TIAM2: variants seen among roughly 807,000 people sequenced by gnomAD.
TIAM2 encodes rho guanine nucleotide exchange factor TIAM2.
Under a neutral mutation model 152.9 loss-of-function variants are expected in TIAM2, and 80 were observed. The ratio of observed to expected loss-of-function variants is 0.52; its 90% CI spans 0.44 to 0.63. The LOEUF (loss-of-function observed/expected upper bound fraction) is 0.63, where lower values mean the gene tolerates loss of function less well. Among genes scored for constraint, TIAM2 ranks in the 30% least tolerant of loss-of-function variants. The probability of loss-of-function intolerance (pLI) is 0.00; values close to 1 mark genes in which losing one functional copy is unlikely to be tolerated. For synonymous variants in TIAM2, 804 were observed against 838.0 expected (o/e 0.96, Z 0.70); for missense variants, 1,965 against 2,120.1 (o/e 0.93, Z 1.44).
chr6:155,226,101 C>G (rs1351111416), intron 15 of TIAM2, among the ~76,000 whole-genome samples: 2 of 152,172 alleles, frequency 1.3e-5, no homozygotes, highest in African/African-American at 4.8e-5. Flanking sequence ...AAGTGTAGGG[C>G]TTTCTAAGCA....
At chr6:155,083,845 G>A (rs1344740187) in intron 1 of TIAM2, among the ~76,000 whole-genome samples, 2 of 152,192 alleles carry the variant, frequency 1.3e-5, no homozygotes, top group African/African-American at 4.8e-5. Context: ...GGACAATGTG[G>A]CAACAGATGA....
intron 1 of TIAM2, among the ~76,000 whole-genome samples, chr6:155,040,834 T>C (rs1777012764): frequency 6.6e-6 from 1 of 152,196 alleles, no homozygotes; most frequent in African/African-American, 2.4e-5. Context: ...CACAGTTCTT[T>C]GTTTTGGTAG....
chr6:155,240,834 C>T, intron 16 of TIAM2, 125 bp downstream of exon 16: 2 of 966,376 alleles, frequency 2.1e-6, no homozygotes, highest in Non-Finnish European at 3.0e-6. Context: ...GACACCTGCT[C>T]CTTGAATCAG....
At chr6:155,020,047 G>A (rs1392841733) in intron 1 of TIAM2, among the ~76,000 whole-genome samples, 5 of 150,914 alleles carry the variant, frequency 3.3e-5, no homozygotes, top group South Asian at 4.2e-4. Flanking sequence ...GTGATACTCC[G>A]TCTGCAAAAA....
At chr6:155,002,347 G>A (rs935286230) in intron 1 of TIAM2, among the ~76,000 whole-genome samples, 4 of 152,172 alleles carry the variant, frequency 2.6e-5, no homozygotes, top group African/African-American at 7.2e-5. Flanking sequence ...GGAGGTCGAG[G>A]CAACAGTGAG....
intron 9 of TIAM2, among the ~76,000 whole-genome samples, chr6:155,176,011 A>G (rs1254544408): frequency 6.6e-6 from 1 of 152,220 alleles, no homozygotes; most frequent in African/African-American, 2.4e-5. Context: ...AACAAAGACA[A>G]AAACACAGAT....
chr6:155,156,202 G>T lies in TIAM2; in HGVS notation c.2028+7868G>T, dbSNP rs1780108357. Among the ~76,000 whole-genome samples the T allele has an allele frequency of 1.3e-5, 2 of 152,184 alleles. No individual in the cohort carries two copies. Among genetic ancestry groups the T allele is most frequent in the South Asian group, 4.1e-4 (2 of 4,836 alleles). On this transcript the variant is annotated intron_variant, in intron 7 of 26. Coordinates refer to ENST00000682666, the MANE Select transcript of TIAM2 (RefSeq NM_012454.4). The surrounding 1 kb of genome is among the most constrained non-coding windows in gnomAD (Gnocchi z 4.4). Reference sequence around the variant, plus strand: ...GGGGTCTTCCAGGCCAAGGCACAGTGGGAGCAAATGCAGTGTGGTTTTAGG... The same window carrying T: ...GGGGTCTTCCAGGCCAAGGCACAGTTGGAGCAAATGCAGTGTGGTTTTAGG...
At chr6:155,042,601 AAAT>A (rs759414107) in intron 1 of TIAM2, among the ~76,000 whole-genome samples, 1 of 152,130 alleles carries the variant, frequency 6.6e-6, no homozygotes, top group Non-Finnish European at 1.5e-5. Flanking sequence ...TGTCTCAAAT[AAAT>A]AATAGCAAGC....
intron 1 of TIAM2, among the ~76,000 whole-genome samples, chr6:155,030,196 G>A (rs7748896): frequency 0.17 from 25,774 of 152,018 alleles, 2,393 homozygotes; most frequent in East Asian, 0.31. Context: ...GTTTGGGGAG[G>A]GAGGAGAGGG....
chr6:155,195,537 C>G (rs1010548294), intron 14 of TIAM2, among the ~76,000 whole-genome samples: 1 of 152,204 alleles, frequency 6.6e-6, no homozygotes, highest in South Asian at 2.1e-4. Flanking sequence ...GGTAAAAAAG[C>G]ATCCTTGCCC....
At chr6:155,215,449 T>A (rs1781831810) in intron 15 of TIAM2, among the ~76,000 whole-genome samples, 1 of 152,242 alleles carries the variant, frequency 6.6e-6, no homozygotes, top group African/African-American at 2.4e-5. Flanking sequence ...AAGCATTTGC[T>A]GTAAAATCCC....
intron 9 of TIAM2, among the ~76,000 whole-genome samples, chr6:155,175,969 A>G (rs1196857539): frequency 6.6e-6 from 1 of 152,244 alleles, no homozygotes; most frequent in African/African-American, 2.4e-5. Context: ...GATTTCTGTC[A>G]GTGATGAGTC....
intron 4 of TIAM2, among the ~76,000 whole-genome samples, chr6:155,135,806 C>T (rs1779541651): frequency 6.6e-6 from 1 of 151,868 alleles, no homozygotes; most frequent in Admixed American, 6.6e-5. Context: ...TCTCCAGTAC[C>T]TAGAATAAAA....
chr6:155,184,105 C>A (rs1374549388), intron 14 of TIAM2, among the ~76,000 whole-genome samples: 1 of 152,148 alleles, frequency 6.6e-6, no homozygotes, highest in East Asian at 1.9e-4. Context: ...TCTCGTGCCT[C>A]AGCCTCCTGA....
At chr6:155,179,210 G>T (rs1235859782) in intron 11 of TIAM2, 67 bp downstream of exon 11, 1 of 1,514,546 alleles carries the variant, frequency 6.6e-7, no homozygotes, top group Non-Finnish European at 9.1e-7. Flanking sequence ...TTTGAAAAAT[G>T]TCATTTTTGG....
At chr6:155,075,511 T>A (rs1409250970) in intron 1 of TIAM2, among the ~76,000 whole-genome samples, 2 of 152,268 alleles carry the variant, frequency 1.3e-5, no homozygotes, top group Middle Eastern at 3.4e-3. Context: ...AGAACAAGAT[T>A]TGACAAAAAG....
In TIAM2 at chr6:155,129,242, C is replaced by G. The variant is rs1286154820; in HGVS notation, c.19C>G (p.Gln7Glu). ...GGTTAAAATGGGCAACTCCGACAGTCAGTACACCCTTCAAGGATCTAAAAA... is the reference window on the plus strand; with the variant it reads ...GGTTAAAATGGGCAACTCCGACAGTGAGTACACCCTTCAAGGATCTAAAAA... MGNSDS[Q>E]YTLQGSKNHS... Residue 7 changes from glutamine (Q) to glutamate (E), a missense_variant, in exon 4 of 27, where the codon CAG becomes GAG. Coordinates refer to ENST00000682666, the MANE Select transcript of TIAM2 (RefSeq NM_012454.4). The surrounding 1 kb of genome is among the most constrained non-coding windows in gnomAD (Gnocchi z 4.8). 2.5e-6 allele frequency: 4 copies of G among 1,613,640 alleles called. No homozygotes were observed. Among genetic ancestry groups the G allele is most frequent in the Non-Finnish European group, 3.4e-6 (4 of 1,179,616 alleles).
chr6:155,087,261 T>C (rs536454370), intron 1 of TIAM2, among the ~76,000 whole-genome samples: 4 of 152,350 alleles, frequency 2.6e-5, no homozygotes. Context: ...TAACAGATGC[T>C]TGAGATCCAA....
At chr6:155,028,769 T>TTATA (rs1776706191) in intron 1 of TIAM2, among the ~76,000 whole-genome samples, 1 of 126,192 alleles carries the variant, frequency 7.9e-6, no homozygotes, top group Non-Finnish European at 1.5e-5. Context: ...ATATACTGTG[T>TTATA]TATATACTAC....
Sources: gnomAD v4.1 joint callset for allele counts (sites outside exome capture counted in the v4.1 genomes callset) on GRCh38, gnomAD v4.1.1 for gene constraint, Gnocchi (gnomAD v3.1) non-coding constraint, MANE v1.5 for transcripts, NCBI Gene and HGNC (gene_info 2026-07-23, HGNC 2026-07-21) for gene names.